Variants in SHC4 observed in about 807,000 individuals in gnomAD.
The protein encoded by SHC4 is SHC-transforming protein 4.
Under a neutral mutation model 69.4 loss-of-function variants are expected in SHC4, and 41 were observed. That is an observed-to-expected ratio of 0.59 (90% CI 0.46 to 0.77). The LOEUF (loss-of-function observed/expected upper bound fraction) is 0.77. Ranked by LOEUF, SHC4 falls within the 30% of genes least tolerant of loss-of-function variation. The pLI, the probability that SHC4 is intolerant of heterozygous loss-of-function variation, is 0.00. For missense variants in SHC4, 777 were observed against 783.8 expected, an observed-to-expected ratio of 0.99 and a Z score of 0.10; for synonymous variants, 318 against 299.3, an observed-to-expected ratio of 1.06 and a Z score of -0.64.
Position 48,938,012 on chromosome 15 carries a change from G to A in SHC4, c.586-13063C>T, listed in dbSNP as rs566655442. Reference sequence around the variant, plus strand: ...TCTTTTGCGGGGAGGAGCAAGTGTTGGCACTGTAGCCAAGCCTCCTAAGAG... The same window carrying A: ...TCTTTTGCGGGGAGGAGCAAGTGTTAGCACTGTAGCCAAGCCTCCTAAGAG... On this transcript the variant is annotated intron_variant, in intron 1 of 11. Transcript: ENST00000332408. Among the ~76,000 whole-genome samples, 6 of 152,274 alleles carry A rather than the reference G, an allele frequency of 3.9e-5. No homozygotes were observed. The East Asian group carries it at 7.7e-4, about 20-fold the overall frequency.
In SHC4 at chr15:48,933,251, A is replaced by G. The variant is rs569582906; in HGVS notation, c.586-8302T>C. 3.9e-5 allele frequency among the ~76,000 whole-genome samples: 6 copies of G among 152,300 alleles called. No individual in the cohort carries two copies. In the East Asian group the frequency reaches 1.2e-3, roughly 29 times the overall value. ...AGGTCAGAAATCAGACTTTATTTGTAAGTTTTCCTGATTTTTAATTCCAGC... is the reference window on the plus strand; with the variant it reads ...AGGTCAGAAATCAGACTTTATTTGTGAGTTTTCCTGATTTTTAATTCCAGC... On this transcript the variant is annotated intron_variant, in intron 1 of 11. Transcript: ENST00000332408.
chr15:48,957,568 A>G (rs1901475921), intron 1 of SHC4, among the ~76,000 whole-genome samples: 2 of 152,234 alleles, frequency 1.3e-5, no homozygotes, highest in Admixed American at 1.3e-4. Context: ...TAAAGGAAGT[A>G]AAGAAAATCT....
At chr15:48,868,015 C>T in intron 5 of SHC4, 146 bp from the exon 6 acceptor site, 1 of 642,916 alleles carries the variant, frequency 1.6e-6, no homozygotes, top group Non-Finnish European at 2.7e-6. Flanking sequence ...TAAAAGGGAA[C>T]ATAAACAAAT....
intron 4 of SHC4, chr15:48,878,790 T>G: frequency 6.6e-7 from 1 of 1,524,944 alleles, no homozygotes; most frequent in South Asian, 1.2e-5. Context: ...GACCCAACTT[T>G]CCGCTATCTT....
intron 6 of SHC4, among the ~76,000 whole-genome samples, chr15:48,862,410 T>C (rs929596543): frequency 2.0e-5 from 3 of 152,190 alleles, no homozygotes; most frequent in Non-Finnish European, 4.4e-5. Context: ...ACTCAAAACA[T>C]TCTTACTGGA....
chr15:48,943,999 G>T (rs1901227063), intron 1 of SHC4, among the ~76,000 whole-genome samples: 1 of 151,980 alleles, frequency 6.6e-6, no homozygotes, highest in Non-Finnish European at 1.5e-5. Context: ...GGAACATAAG[G>T]TGTAGGTAGG....
chr15:48,831,735 T>C (rs1239287213), intron 11 of SHC4, among the ~76,000 whole-genome samples: 1 of 152,258 alleles, frequency 6.6e-6, no homozygotes, highest in Non-Finnish European at 1.5e-5. Flanking sequence ...GTCTTTTAAC[T>C]TCTATAACCA....
chr15:48,881,137 T>A (rs74012187), intron 4 of SHC4, among the ~76,000 whole-genome samples: 1,549 of 152,024 alleles, frequency 0.01, 19 homozygotes, highest in African/African-American at 0.035. Context: ...TTTCCAAATT[T>A]ATCCATACAT....
chr15:48,881,454 AAC>A (rs1899945375), intron 4 of SHC4, among the ~76,000 whole-genome samples: 1 of 151,232 alleles, frequency 6.6e-6, no homozygotes, highest in African/African-American at 2.4e-5. Flanking sequence ...TTGTCTCCCC[AAC>A]ACAGAGGCCA....
intron 4 of SHC4, chr15:48,878,215 G>A: frequency 6.3e-7 from 1 of 1,598,190 alleles, no homozygotes; most frequent in Non-Finnish European, 8.5e-7. Flanking sequence ...TGTATGAAGA[G>A]AGCAGTGACC....
chr15:48,955,896 T>C (rs765213630), intron 1 of SHC4, among the ~76,000 whole-genome samples: 2 of 152,076 alleles, frequency 1.3e-5, no homozygotes, highest in Non-Finnish European at 2.9e-5. Context: ...AGATGTGTGG[T>C]TGGGGGCAAG....
chr15:48,934,251 T>C (rs994955464), intron 1 of SHC4, among the ~76,000 whole-genome samples: 2 of 151,832 alleles, frequency 1.3e-5, no homozygotes, highest in Non-Finnish European at 2.9e-5. Flanking sequence ...AAAAGACAAA[T>C]AACCCAATTT....
At chr15:48,890,040 G>A (rs1308780890) in intron 3 of SHC4, among the ~76,000 whole-genome samples, 1 of 152,216 alleles carries the variant, frequency 6.6e-6, no homozygotes, top group Non-Finnish European at 1.5e-5. Context: ...GATGCCAGAC[G>A]CTGTGGTAGA....
At chr15:48,917,243 TTGTGTGTGTGTGTGTGTGTGTGTGTG>T (rs3985853) in intron 2 of SHC4, among the ~76,000 whole-genome samples, 10 of 137,096 alleles carry the variant, frequency 7.3e-5, no homozygotes, top group African/African-American at 2.7e-4. Context: ...ACCTGATTTC[TTGTGTGTGTGTGTGTGTGTGTGTGTG>T]TGTGTGTGTG....
chr15:48,911,164 T>C (rs145801286), intron 2 of SHC4, among the ~76,000 whole-genome samples: 12 of 152,304 alleles, frequency 7.9e-5, no homozygotes, highest in African/African-American at 2.6e-4. Context: ...CAGTGGAGTA[T>C]TGAAGTCTCC....
intron 6 of SHC4, among the ~76,000 whole-genome samples, chr15:48,861,477 A>G (rs889250062): frequency 1.8e-4 from 28 of 152,194 alleles, no homozygotes; most frequent in Non-Finnish European, 3.2e-4. Context: ...TGGTCATGGG[A>G]CAGGATAGAG....
At chr15:48,862,189 T>G (rs1280218237) in intron 6 of SHC4, among the ~76,000 whole-genome samples, 1 of 149,010 alleles carries the variant, frequency 6.7e-6, no homozygotes, top group Non-Finnish European at 1.5e-5. Flanking sequence ...GTTTTACTGG[T>G]TTTGGGGTTT....
At chr15:48,859,362 T>C (rs1212174750) in intron 6 of SHC4, among the ~76,000 whole-genome samples, 3 of 150,760 alleles carry the variant, frequency 2.0e-5, no homozygotes. Context: ...GTGGTGGTAT[T>C]ACTAAATCAA....
At chr15:48,903,660 C>T (rs571363441) in intron 2 of SHC4, among the ~76,000 whole-genome samples, 10 of 152,168 alleles carry the variant, frequency 6.6e-5, no homozygotes, top group South Asian at 4.1e-4. Context: ...GTGCAGTCCT[C>T]GGACCAGCAG....
Sources: gnomAD v4.1 joint callset for allele counts (sites outside exome capture counted in the v4.1 genomes callset) on GRCh38, gnomAD v4.1.1 for gene constraint, MANE v1.5 for transcripts, NCBI Gene and HGNC (gene_info 2026-07-23, HGNC 2026-07-21) for gene names.